ACVRL1: variants seen among roughly 807,000 people sequenced by gnomAD.
ACVRL1 encodes the protein activin A receptor like type 1.
A neutral mutation model predicts 51.9 loss-of-function variants in ACVRL1; 20 were observed. The observed-to-expected ratio is 0.39, with a 90% CI of 0.27 to 0.56. The LOEUF is 0.56. Ranked by LOEUF, ACVRL1 falls within the 20% of genes least tolerant of loss-of-function variation. The pLI is 0.67. For missense variants in ACVRL1, 451 were observed against 670.3 expected (o/e 0.67, Z 3.61); for synonymous variants, 288 against 280.9 (o/e 1.03, Z -0.25).
chr12:51,915,627 T>G, intron 7 of ACVRL1, 127 bp downstream of exon 7: 1 of 1,296,208 alleles, frequency 7.7e-7, no homozygotes, highest in Non-Finnish European at 1.0e-6. Flanking sequence ...TTGTTTCAGT[T>G]CTCCTCCGCA....
In ACVRL1 at chr12:51,919,130, G is replaced by A; in HGVS notation, c.1377+15G>A. On this transcript the variant is annotated intron_variant, in intron 9 of 9. Transcript: ENST00000388922. ...CTGCAGACCCGGTGAGGCCTCTGCTGGGACTAGGATGGCGTGGGGTGGTGG... is the reference window on the plus strand; with the variant it reads ...CTGCAGACCCGGTGAGGCCTCTGCTAGGACTAGGATGGCGTGGGGTGGTGG... 1 of 1,613,576 alleles carries A rather than the reference G, an allele frequency of 6.2e-7. No individual in the cohort carries two copies. Among genetic ancestry groups the A allele is most frequent in the Non-Finnish European group, 8.5e-7 (1 of 1,179,608 alleles).
intron 1 of ACVRL1, among the ~76,000 whole-genome samples, chr12:51,911,481 A>C (rs1359498397): frequency 6.6e-6 from 1 of 152,194 alleles, no homozygotes; most frequent in Non-Finnish European, 1.5e-5. Context: ...CAGCTCCGAG[A>C]GGGCAGCTTA....
At chr12:51,914,361 C>A (rs143065584) in intron 5 of ACVRL1, 78 bp from the exon 6 acceptor site, 27 of 1,597,232 alleles carry the variant, frequency 1.7e-5, no homozygotes, top group Middle Eastern at 2.0e-4. Flanking sequence ...AGGGAGGCAG[C>A]GCAGCATCAA....
At chr12:51,918,651 C>T (rs377531708) in intron 8 of ACVRL1, among the ~76,000 whole-genome samples, 1 of 152,156 alleles carries the variant, frequency 6.6e-6, no homozygotes. Flanking sequence ...AGCTGTGGAA[C>T]CTTGGGCCCC....
chr12:51,921,478 T>G lies in ACVRL1; in HGVS notation c.*585T>G. ...TGCAGCTTGCTGAATGTCAGCTGCC[T>G]GAGAGAGCTGGGGCCTGACTTACTA... On this transcript the variant is annotated 3_prime_UTR_variant, in exon 10 of 10. Transcript: ENST00000388922. 1 of 178,374 alleles carries G rather than the reference T, an allele frequency of 5.6e-6. No individual in the cohort carries two copies. Among genetic ancestry groups the G allele is most frequent in the East Asian group, 1.4e-4 (1 of 7,330 alleles). 11.0% of individuals were successfully genotyped at this position (178,374 alleles called of 1,614,324 possible). A position where few individuals can be genotyped will look rare whatever the true frequency, so the allele number is the denominator to read the frequency against.
At position 51,916,076 on chromosome 12, in the gene ACVRL1, C is replaced by T. The variant is rs1225049658; in HGVS notation, c.1089C>T (p.Asp363=). ...ACTCACAGGGCAGCGATTACCTGGA[C>T]ATCGGCAACAACCCGAGAGTGGGCA... ...VMHSQGSDYL[D]IGNNPRVGTK... is the part of the protein sequence containing the mutation. Residue 363 remains aspartate (D), a synonymous_variant, in exon 8 of 10, where the codon GAC becomes GAT. Coordinates refer to ENST00000388922, the MANE Select transcript of ACVRL1 (RefSeq NM_000020.3). The T allele has an allele frequency of 1.2e-6, 2 of 1,613,168 alleles. No individual in the cohort carries two copies. The highest frequency in any genetic ancestry group is 1.7e-5 in the Admixed American group (1 of 59,998).
At chr12:51,918,589 A>G (rs1362722384) in intron 8 of ACVRL1, among the ~76,000 whole-genome samples, 1 of 152,158 alleles carries the variant, frequency 6.6e-6, no homozygotes, top group East Asian at 1.9e-4. Flanking sequence ...AGACTGGAAC[A>G]AGGCTGGCCT....
Position 51,919,252 on chromosome 12 carries a change from A to G in ACVRL1, c.1377+137A>G, listed in dbSNP as rs1470596515. On this transcript the variant is annotated intron_variant, in intron 9 of 9. Transcript: ENST00000388922. Reference sequence around the variant, plus strand: ...TCCTGGTTAGGGCACCTCTCTAGGTACTCCCTCTTTCAACCCTGGCCCATG... The same window carrying G: ...TCCTGGTTAGGGCACCTCTCTAGGTGCTCCCTCTTTCAACCCTGGCCCATG... 6 of 1,356,952 alleles carry G rather than the reference A, an allele frequency of 4.4e-6. No individual in the cohort carries two copies. In the African/African-American group the frequency reaches 8.7e-5, roughly 20 times the overall value. 84.1% of individuals were successfully genotyped at this position (1,356,952 alleles called of 1,614,324 possible). A position where few individuals can be genotyped will look rare whatever the true frequency, so the allele number is the denominator to read the frequency against.
intron 9 of ACVRL1, among the ~76,000 whole-genome samples, chr12:51,920,233 C>T (rs1940939023): frequency 6.6e-6 from 1 of 152,222 alleles, no homozygotes; most frequent in African/African-American, 2.4e-5. Context: ...CCCACTTCCA[C>T]AGTCCCCTGG....
intron 1 of ACVRL1, among the ~76,000 whole-genome samples, chr12:51,909,693 AG>A (rs1206453294): frequency 6.6e-6 from 1 of 152,004 alleles, no homozygotes; most frequent in Non-Finnish European, 1.5e-5. Context: ...CAGCAATTTA[AG>A]TTTATTAAGA....
At chr12:51,914,105 C>A (rs1366788191) in intron 5 of ACVRL1, 32 bp downstream of exon 5, 1 of 1,603,236 alleles carries the variant, frequency 6.2e-7, no homozygotes, top group South Asian at 1.1e-5. Context: ...TGGATGAGGA[C>A]CAAGGGCTCT....
chr12:51,912,182 A>G, intron 1 of ACVRL1: 1 of 598,528 alleles, frequency 1.7e-6, no homozygotes, highest in East Asian at 2.8e-5. Flanking sequence ...ACCTGCCTGC[A>G]GTCTGAGCTC....
At position 51,913,731 on chromosome 12, in the gene ACVRL1, C is replaced by T. The variant is rs2139067777; in HGVS notation, c.486C>T (p.Leu162=). The change falls in exon 4 of 10, where the codon CTC becomes CTT. Residue 162 remains leucine, a synonymous_variant. Coordinates refer to ENST00000388922, the MANE Select transcript of ACVRL1 (RefSeq NM_000020.3). ...ACAGCGAGCTGGGAGAGTCCAGTCT[C>T]ATCCTGAAAGCATCTGAGCAGGGCG... The part of the protein sequence containing the change: ...GLHSELGESS[L]ILKASEQGDS... 4 of 1,612,276 alleles carry T rather than the reference C, an allele frequency of 2.5e-6. No individual in the cohort carries two copies. The East Asian group carries it at 8.9e-5, about 36-fold the overall frequency.
chr12:51,913,100 A>C lies in ACVRL1; in HGVS notation c.63A>C (p.Gly21=). Residue 21 remains glycine (G), a splice_region_variant and synonymous_variant, in exon 3 of 10, where the codon GGA becomes GGC. Coordinates refer to ENST00000388922, the MANE Select transcript of ACVRL1 (RefSeq NM_000020.3). ...LMLLMALVTQ[G]DPVKPSRGPL... ...CTGAGCTTCCGGTGTGTCTTCCAGG[A>C]GACCCTGTGAAGCCGTCTCGGGGCC... The C allele has an allele frequency of 6.2e-7, 1 of 1,603,124 alleles. No individual in the cohort carries two copies. The highest frequency in any genetic ancestry group is 8.5e-7 in the Non-Finnish European group (1 of 1,179,050).
intron 1 of ACVRL1, among the ~76,000 whole-genome samples, chr12:51,908,020 T>C (rs1014901118): frequency 2.0e-5 from 3 of 152,168 alleles, no homozygotes; most frequent in Admixed American, 6.5e-5. Flanking sequence ...TCTACTCACA[T>C]AGAAGGGATC....
chr12:51,914,633 C>T (rs140528379), intron 6 of ACVRL1, 48 bp downstream of exon 6: 5 of 1,578,262 alleles, frequency 3.2e-6, no homozygotes, highest in Non-Finnish European at 4.3e-6. Context: ...TGCCCCCCTG[C>T]ACTCAGGGCT....
intron 1 of ACVRL1, among the ~76,000 whole-genome samples, chr12:51,909,129 A>T (rs1940646058): frequency 6.6e-6 from 1 of 152,156 alleles, no homozygotes; most frequent in African/African-American, 2.4e-5. Flanking sequence ...TGCTGTGCTG[A>T]GCCACTGCCG....
chr12:51,921,178 CA>C lies in ACVRL1; in HGVS notation c.*289del. 4.5e-6 allele frequency: 2 copies of C among 447,078 alleles called. No individual in the cohort carries two copies. The highest frequency in any genetic ancestry group is 2.1e-5 in the South Asian group (1 of 48,632). 27.7% of individuals were successfully genotyped at this position (447,078 alleles called of 1,614,324 possible). ...CCCCTACCACTCCCGGGACAGGATG[CA>C]AAAGAGGCTCCAGAGTCAGAGTGCC... On this transcript the variant is annotated 3_prime_UTR_variant, in exon 10 of 10. Coordinates refer to ENST00000388922, the MANE Select transcript of ACVRL1 (RefSeq NM_000020.3).
Position 51,913,700 on chromosome 12 carries a change from G to A in ACVRL1, c.455G>A (p.Gly152Asp), listed in dbSNP as rs1406188902. 1.2e-6 allele frequency: 2 copies of A among 1,611,560 alleles called. No homozygotes were observed. The highest frequency in any genetic ancestry group is 8.5e-7 in the Non-Finnish European group (1 of 1,180,018). Residue 152 changes from glycine to aspartate, a missense_variant, in exon 4 of 10, where the codon GGC becomes GAC. Physicochemically the swap from Gly to Asp is moderately conservative, Grantham distance 94. Transcript: ENST00000388922. Reference protein sequence around the residue: ...HVRRRQEKQRGLHSELGESSL... With the variant: ...HVRRRQEKQRDLHSELGESSL... The stretch of plus-strand genomic sequence containing the variant: ...CGACGGAGGCAGGAGAAGCAGCGTG[G>A]CCTGCACAGCGAGCTGGGAGAGTCC...
Sources: allele counts gnomAD v4.1 joint callset (sites outside exome capture counted in the v4.1 genomes callset), GRCh38; gene constraint gnomAD v4.1.1; transcripts MANE v1.5; gene names NCBI Gene and HGNC (gene_info 2026-07-23, HGNC 2026-07-21).